Variants in EHBP1 observed in about 807,000 individuals in gnomAD.
The protein encoded by EHBP1 is EH domain binding protein 1.
In EHBP1, 55 loss-of-function variants were observed where a neutral mutation model predicts 144.0. The observed-to-expected ratio is 0.38, with a 90% confidence interval of 0.31 to 0.48. The LOEUF (loss-of-function observed/expected upper bound fraction) is 0.48, where lower values mean the gene tolerates loss of function less well. EHBP1 is among the 20% of genes least tolerant of loss of function. The pLI is 0.98. For missense variants in EHBP1, 1,200 were observed against 1,364.2 expected, an observed-to-expected ratio of 0.88 and a Z score of 1.90; for synonymous variants, 469 against 472.7, an observed-to-expected ratio of 0.99 and a Z score of 0.10.
intron 13 of EHBP1, among the ~76,000 whole-genome samples, chr2:62,951,717 G>T (rs533820018): frequency 1.3e-5 from 2 of 151,930 alleles, no homozygotes; most frequent in Non-Finnish European, 2.9e-5. Context: ...TAGAGATGGG[G>T]TTTCACCACA....
chr2:62,852,974 A>G (rs1264543932), intron 7 of EHBP1, among the ~76,000 whole-genome samples: 1 of 152,200 alleles, frequency 6.6e-6, no homozygotes, highest in Non-Finnish European at 1.5e-5. Flanking sequence ...AATTGGTATT[A>G]ATTGCGTTTA....
chr2:62,804,081 G>A (rs535101050), intron 5 of EHBP1, among the ~76,000 whole-genome samples: 1 of 152,078 alleles, frequency 6.6e-6, no homozygotes, highest in African/African-American at 2.4e-5. Context: ...TATTTCTTCT[G>A]GTTTTATGCC....
intron 10 of EHBP1, among the ~76,000 whole-genome samples, chr2:62,889,767 G>GT (rs765319082): frequency 2.0e-4 from 31 of 151,592 alleles, no homozygotes; most frequent in Admixed American, 9.9e-4. Flanking sequence ...TTTTGTACTT[G>GT]TTTTTGTATC....
rs548076207 is a variant in EHBP1, at chr2:63,007,740, C to T, written c.3103+10974C>T. Among the ~76,000 whole-genome samples the T allele has an allele frequency of 7.9e-5, 12 of 151,676 alleles. No homozygotes were observed. In the East Asian group the frequency reaches 1.7e-3, roughly 22 times the overall value. On this transcript the variant is annotated intron_variant, in intron 19 of 22. Coordinates refer to ENST00000431489, the MANE Select transcript of EHBP1 (RefSeq NM_001142616.3). ...CCTCTACCCACACATAAGTTAAAAG[C>T]GTATTGATGATATTCTTGAAAATTA...
At chr2:62,883,792 T>C (rs1306860730) in intron 10 of EHBP1, among the ~76,000 whole-genome samples, 1 of 152,170 alleles carries the variant, frequency 6.6e-6, no homozygotes, top group Non-Finnish European at 1.5e-5. Flanking sequence ...AGTGAGACCC[T>C]GTCTCTACAA....
At chr2:62,970,103 T>C (rs1199822315) in intron 14 of EHBP1, among the ~76,000 whole-genome samples, 1 of 151,964 alleles carries the variant, frequency 6.6e-6, no homozygotes, top group Non-Finnish European at 1.5e-5. Flanking sequence ...TTTTTTTTTT[T>C]TTTCGGTCCA....
chr2:62,883,769 G>T (rs533264797), intron 10 of EHBP1, among the ~76,000 whole-genome samples: 2 of 152,224 alleles, frequency 1.3e-5, no homozygotes, highest in South Asian at 4.1e-4. Flanking sequence ...TTAGAGACCA[G>T]CTTGGGCAAT....
At chr2:62,750,377 G>A (rs2039569305) in intron 3 of EHBP1, among the ~76,000 whole-genome samples, 2 of 152,166 alleles carry the variant, frequency 1.3e-5, no homozygotes, top group African/African-American at 4.8e-5. Flanking sequence ...TGCTGTTTTG[G>A]TTACTGTAGC....
chr2:62,986,307 G>A lies in EHBP1; in HGVS notation c.2609-4409G>A, dbSNP rs1298755552. Among the ~76,000 whole-genome samples, 3 of 152,134 alleles carry A rather than the reference G, an allele frequency of 2.0e-5. No individual in the cohort carries two copies. The South Asian group carries it at 6.2e-4, about 32-fold the overall frequency. ...TAGTTGATTAGAAAAGATCTCACAG[G>A]TGATTGTGCTTAAATAATGAAGCCA... is the stretch of plus-strand genomic sequence containing the variant. On this transcript the variant is annotated intron_variant, in intron 15 of 22. Coordinates refer to ENST00000431489, the MANE Select transcript of EHBP1 (RefSeq NM_001142616.3).
At chr2:63,039,461 C>T (rs2061573937) in intron 21 of EHBP1, among the ~76,000 whole-genome samples, 1 of 151,972 alleles carries the variant, frequency 6.6e-6, no homozygotes, top group Non-Finnish European at 1.5e-5. Flanking sequence ...TAATGCTGTT[C>T]TCCTTATATC....
intron 12 of EHBP1, among the ~76,000 whole-genome samples, chr2:62,944,900 T>G (rs1338807189): frequency 2.6e-5 from 4 of 152,214 alleles, no homozygotes. Flanking sequence ...TTAATGAAAT[T>G]TATTATTGTC....
At chr2:62,858,633 T>C in intron 7 of EHBP1, 1 of 641,874 alleles carries the variant, frequency 1.6e-6, no homozygotes, top group Non-Finnish European at 2.7e-6. Context: ...CTTGAATGTT[T>C]TCTTTGGTAA....
intron 2 of EHBP1, among the ~76,000 whole-genome samples, chr2:62,743,953 G>T (rs1353785945): frequency 6.6e-6 from 1 of 152,026 alleles, no homozygotes; most frequent in African/African-American, 2.4e-5. Context: ...CACAATATGA[G>T]ACAAAGCATG....
At chr2:62,922,154 G>A (rs963589958) in intron 10 of EHBP1, among the ~76,000 whole-genome samples, 12 of 152,142 alleles carry the variant, frequency 7.9e-5, no homozygotes, top group African/African-American at 2.9e-4. Context: ...CAGCCTGAGC[G>A]ACAGAGCAAG....
At chr2:62,800,563 A>G (rs928551785) in intron 5 of EHBP1, among the ~76,000 whole-genome samples, 1 of 152,186 alleles carries the variant, frequency 6.6e-6, no homozygotes, top group African/African-American at 2.4e-5. Flanking sequence ...CTGGGAAGAA[A>G]TGTGGATGTA....
intron 3 of EHBP1, among the ~76,000 whole-genome samples, chr2:62,750,016 T>C (rs527841614): frequency 6.6e-6 from 1 of 152,240 alleles, no homozygotes; most frequent in African/African-American, 2.4e-5. Context: ...TTTTGTCTTT[T>C]GTTGCCATTG....
chr2:62,889,047 CTTTTTTTTTTTTTT>C (rs71410971), intron 10 of EHBP1, among the ~76,000 whole-genome samples: 35 of 39,734 alleles, frequency 8.8e-4, no homozygotes, highest in Admixed American at 2.5e-3. Context: ...GTAGGTACCT[CTTTTTTTTTTTTTT>C]TTTTTTTTTT....
At chr2:63,000,989 T>A (rs1417548866) in intron 19 of EHBP1, among the ~76,000 whole-genome samples, 1 of 152,214 alleles carries the variant, frequency 6.6e-6, no homozygotes, top group South Asian at 2.1e-4. Context: ...TGCTAATGGA[T>A]CTGTGCCAGC....
chr2:62,916,966 C>T (rs994681628), intron 10 of EHBP1, among the ~76,000 whole-genome samples: 8 of 151,138 alleles, frequency 5.3e-5, no homozygotes, highest in Admixed American at 1.3e-4. Context: ...AAGACATACA[C>T]ATATATATAT....
Sources: allele counts gnomAD v4.1 joint callset (sites outside exome capture counted in the v4.1 genomes callset), GRCh38; gene constraint gnomAD v4.1.1; transcripts MANE v1.5; gene names NCBI Gene and HGNC (gene_info 2026-07-23, HGNC 2026-07-21).